The following VWF variants were observed in gnomAD, a reference collection of about 807,000 sequenced individuals.
The protein encoded by VWF is von Willebrand factor, also known as Factor VIII related antigen.
In VWF, 176 loss-of-function variants were observed where a neutral mutation model predicts 308.6. That is an observed-to-expected ratio of 0.57 (90% CI 0.50 to 0.65). VWF has a LOEUF of 0.65. VWF is among the 30% of genes least tolerant of loss of function. The pLI is 0.00. For synonymous variants in VWF, 1,385 were observed against 1,443.4 expected (o/e 0.96, Z 0.92); for missense variants, 3,146 against 3,648.2 (o/e 0.86, Z 3.55).
chr12:5,979,314 C>T (rs374437662), intron 42 of VWF, among the ~76,000 whole-genome samples: 1 of 152,228 alleles, frequency 6.6e-6, no homozygotes, highest in Non-Finnish European at 1.5e-5. Flanking sequence ...AGAAAAGTCA[C>T]AATTTTGAAA....
At chr12:5,986,484 C>A (rs913989457) in intron 38 of VWF, among the ~76,000 whole-genome samples, 1 of 152,190 alleles carries the variant, frequency 6.6e-6, no homozygotes, top group Admixed American at 6.5e-5. Context: ...GAAACACATT[C>A]TTATCCAGTA....
intron 41 of VWF, among the ~76,000 whole-genome samples, chr12:5,982,497 T>A (rs2136371991): frequency 6.6e-6 from 1 of 152,294 alleles, no homozygotes; most frequent in East Asian, 1.9e-4. Flanking sequence ...ATGTCACTTT[T>A]AAAAGACCAA....
At chr12:5,996,270 A>T (rs774373702) in intron 34 of VWF, 48 bp from the exon 35 acceptor site, 1 of 1,544,712 alleles carries the variant, frequency 6.5e-7, no homozygotes, top group South Asian at 1.2e-5. Context: ...CCAAACCCCC[A>T]TGCCTACTAC....
intron 6 of VWF, among the ~76,000 whole-genome samples, chr12:6,084,539 G>A (rs1346235935): frequency 6.6e-6 from 1 of 152,128 alleles, no homozygotes; most frequent in Non-Finnish European, 1.5e-5. Flanking sequence ...AGGGGAGGAG[G>A]AGGGAAAGCA....
intron 22 of VWF, among the ~76,000 whole-genome samples, chr12:6,026,664 A>C (rs1169373091): frequency 2.0e-5 from 3 of 152,260 alleles, no homozygotes; most frequent in African/African-American, 7.2e-5. Context: ...TGAAAACTAC[A>C]CAAAGAGGAG....
chr12:6,044,394 T>C lies in VWF; in HGVS notation c.2339A>G (p.Asn780Ser), dbSNP rs756566834. The change falls in exon 18 of 52, where the codon AAC becomes AGC. Residue 780 changes from asparagine (N) to serine (S), a missense_variant. Physicochemically the swap from Asn to Ser is conservative, Grantham distance 46. Around this residue, in one of 3 missense-constraint regions of VWF, gnomAD observed 1,304 missense variants for 1,353.0 expected, o/e 0.96. Transcript: ENST00000261405. ...ACACTCGAGCCCTTCAGCCCGCAGG[T>C]TGTCAGCGGGACACACCAGCTTGAC... ...PMVKLVCPAD[N>S]LRAEGLECTK... 29 of 1,614,140 alleles carry C rather than the reference T, an allele frequency of 1.8e-5. No individual in the cohort carries two copies. The highest frequency in any genetic ancestry group is 1.6e-4 in the Middle Eastern group (1 of 6,062).
chr12:6,038,292 A>G (rs1355562544), intron 18 of VWF, among the ~76,000 whole-genome samples: 1 of 152,182 alleles, frequency 6.6e-6, no homozygotes, highest in African/African-American at 2.4e-5. Flanking sequence ...GAGGTATCCC[A>G]CGGATGCCTT....
At chr12:6,088,504 A>T (rs1475560875) in intron 6 of VWF, among the ~76,000 whole-genome samples, 3 of 146,244 alleles carry the variant, frequency 2.1e-5, no homozygotes, top group African/African-American at 7.6e-5. Flanking sequence ...CGAGAGAGAG[A>T]GAGAGAAAGG....
intron 22 of VWF, 39 bp downstream of exon 22, chr12:6,029,303 G>GC (rs1252977956): frequency 1.2e-6 from 2 of 1,613,084 alleles, no homozygotes; most frequent in African/African-American, 2.7e-5. Context: ...CACTCCAAAG[G>GC]CCAAGTCCCC....
intron 37 of VWF, 76 bp from the exon 38 acceptor site, chr12:5,992,094 G>T: frequency 2.1e-6 from 3 of 1,403,066 alleles, no homozygotes; most frequent in Non-Finnish European, 3.0e-6. Flanking sequence ...ATTCAACATG[G>T]TTAATCATCA....
At chr12:6,018,308 C>A (rs1944084986) in intron 28 of VWF, 57 bp downstream of exon 28, 3 of 1,566,816 alleles carry the variant, frequency 1.9e-6, no homozygotes, top group South Asian at 2.3e-5. Context: ...CATGTAGCAC[C>A]AAGGCCATGC....
intron 5 of VWF, 48 bp downstream of exon 5, chr12:6,110,326 A>G (rs1328419618): frequency 1.3e-6 from 2 of 1,593,606 alleles, no homozygotes; most frequent in Non-Finnish European, 8.6e-7. Context: ...GCAAGGAAAT[A>G]AAAAGCATGG....
At position 5,980,775 on chromosome 12, in the gene VWF, C is replaced by T. The variant is rs12311643; in HGVS notation, c.7287+1011G>A. Among the ~76,000 whole-genome samples, 1,303 of 151,730 alleles carry T rather than the reference C, an allele frequency of 8.6e-3. 20 individuals carry two copies. Among genetic ancestry groups the T allele is most frequent in the African/African-American group, 0.029 (1,179 of 41,342 alleles). ...AAATAAAGATCTGTTCCAGCCCTAA[C>T]AGGCTCCAAGGAGAGATGACTGCAG... On this transcript the variant is annotated intron_variant, in intron 42 of 51. Coordinates refer to ENST00000261405, the MANE Select transcript of VWF (RefSeq NM_000552.5).
At chr12:5,975,025 G>T (rs216852) in intron 43 of VWF, among the ~76,000 whole-genome samples, 5 of 152,084 alleles carry the variant, frequency 3.3e-5, no homozygotes, top group Admixed American at 3.3e-4. Context: ...GGCCTCAGAT[G>T]GCCTGTGAGA....
At chr12:6,003,812 CTCTT>C (rs1175860578) in intron 34 of VWF, among the ~76,000 whole-genome samples, 8 of 121,612 alleles carry the variant, frequency 6.6e-5, no homozygotes, top group Non-Finnish European at 1.2e-4. Context: ...TTCTTTCTCT[CTCTT>C]TTTTTTTTTT....
rs773921894 is a variant in VWF at position 6,036,409 on chromosome 12, A to T, written c.2525T>A (p.Val842Glu). ...TCACCAAGTGTTGCAGCCAATCTTC[A>T]CTGTTTCTCCAGGGGCATACTCCTT... ...QGKEYAPGET[V>E]KIGCNTCVCQ... Residue 842 changes from valine to glutamate, a missense_variant, in exon 19 of 52, where the codon GTG becomes GAG. By Grantham distance (121) the Val-to-Glu change is moderately radical (BLOSUM62 -2). Transcript: ENST00000261405. 9.3e-6 allele frequency: 15 copies of T among 1,614,046 alleles called. No homozygotes were observed. In the African/African-American group the frequency reaches 1.6e-4, roughly 17 times the overall value.
intron 16 of VWF, among the ~76,000 whole-genome samples, chr12:6,048,503 C>T (rs1353088121): frequency 1.4e-5 from 2 of 145,516 alleles, no homozygotes; most frequent in Admixed American, 6.9e-5. Context: ...TACTCTGTCG[C>T]CCAGGCTGGA....
rs548112986 is a variant in VWF, at chr12:6,020,545, G to A, written c.3675-802C>T. Among the ~76,000 whole-genome samples the A allele has an allele frequency of 6.6e-6, 1 of 152,364 alleles. No homozygotes were observed. Among genetic ancestry groups the A allele is most frequent in the African/African-American group, 2.4e-5 (1 of 41,590 alleles). The stretch of plus-strand genomic sequence containing the variant: ...CACACACAAATTCCTACACTACCAT[G>A]CCAAATTTCCAGGCTCTGCTGGTAA... On this transcript the variant is annotated intron_variant, in intron 27 of 51. Coordinates refer to ENST00000261405, the MANE Select transcript of VWF (RefSeq NM_000552.5). This position sits in a 1 kb window ranked among gnomAD's most constrained non-coding sequence, Gnocchi z 4.3.
In VWF at chr12:6,013,641, C is replaced by G; in HGVS notation, c.5460G>C (p.Val1820=). 2 of 1,612,956 alleles carry G rather than the reference C, an allele frequency of 1.2e-6. No homozygotes were observed. Among genetic ancestry groups the G allele is most frequent in the Non-Finnish European group, 1.7e-6 (2 of 1,179,860 alleles). Residue 1820 remains valine, a synonymous_variant, in exon 32 of 52, where the codon GTG becomes GTC. Transcript: ENST00000261405. Reference sequence around the variant, plus strand: ...CTCCAATTCCAATAGGGAACACTGTCACTCCTAGAGTTAGCAAAGAGACAA... The same window carrying G: ...CTCCAATTCCAATAGGGAACACTGTGACTCCTAGAGTTAGCAAAGAGACAA... ...AAADAARSNR[V]TVFPIGIGDR...
Sources: allele counts gnomAD v4.1 joint callset (sites outside exome capture counted in the v4.1 genomes callset), GRCh38; gene constraint gnomAD v4.1.1; regional missense constraint gnomAD v4.1.1; non-coding constraint Gnocchi (gnomAD v3.1); transcripts MANE v1.5; gene names NCBI Gene and HGNC (gene_info 2026-07-23, HGNC 2026-07-21).